The following TMEM132C variants were observed in gnomAD, a reference collection of about 807,000 sequenced individuals.
TMEM132C encodes protein phosphatase 1, regulatory subunit 152.
In TMEM132C, 29 loss-of-function variants were observed where a neutral mutation model predicts 61.4. The ratio of observed to expected loss-of-function variants is 0.47; its 90% CI spans 0.35 to 0.64. The LOEUF (loss-of-function observed/expected upper bound fraction) is 0.64. Among genes scored for constraint, TMEM132C ranks in the 30% least tolerant of loss-of-function variants. The pLI, the probability that TMEM132C is intolerant of heterozygous loss-of-function variation, is 0.00. For synonymous variants in TMEM132C, 656 were observed against 633.1 expected (o/e 1.04, Z -0.54); for missense variants, 1,408 against 1,476.9 (o/e 0.95, Z 0.76).
At chr12:128,564,052 G>A (rs753500036) in intron 3 of TMEM132C, among the ~76,000 whole-genome samples, 9 of 152,194 alleles carry the variant, frequency 5.9e-5, no homozygotes, top group Non-Finnish European at 8.8e-5. Context: ...TAAAGGCACC[G>A]CAGACCTGTT....
chr12:128,450,797 G>C (rs1253065609), intron 2 of TMEM132C, among the ~76,000 whole-genome samples: 1 of 152,140 alleles, frequency 6.6e-6, no homozygotes, highest in Non-Finnish European at 1.5e-5. Flanking sequence ...AAGGAATTCT[G>C]CTGTGGATGC....
chr12:128,383,204 A>C (rs962165674), intron 1 of TMEM132C, among the ~76,000 whole-genome samples: 2 of 152,148 alleles, frequency 1.3e-5, no homozygotes, highest in Admixed American at 6.5e-5. Flanking sequence ...CCCTGTGTAC[A>C]TGTGTGTATG....
At chr12:128,656,170 C>T (rs966712910) in intron 4 of TMEM132C, among the ~76,000 whole-genome samples, 1 of 152,192 alleles carries the variant, frequency 6.6e-6, no homozygotes, top group Non-Finnish European at 1.5e-5. Flanking sequence ...CCTCCATCAC[C>T]CTCCCTAGTA....
At chr12:128,634,037 A>T (rs1170189064) in intron 4 of TMEM132C, among the ~76,000 whole-genome samples, 1 of 152,252 alleles carries the variant, frequency 6.6e-6, no homozygotes, top group Non-Finnish European at 1.5e-5. Flanking sequence ...AGTGAACAAA[A>T]TAATCAAGGT....
At chr12:128,496,385 A>G (rs1240914491) in intron 2 of TMEM132C, among the ~76,000 whole-genome samples, 1 of 152,090 alleles carries the variant, frequency 6.6e-6, no homozygotes, top group Non-Finnish European at 1.5e-5. Context: ...GGCCTGCCTT[A>G]CTAGATTGGG....
intron 2 of TMEM132C, among the ~76,000 whole-genome samples, chr12:128,427,276 A>G (rs1869217650): frequency 6.6e-6 from 1 of 152,078 alleles, no homozygotes; most frequent in Non-Finnish European, 1.5e-5. Flanking sequence ...TGCTTGTTGA[A>G]AGTCTTTCCT....
rs576539665 is a variant in TMEM132C, at chr12:128,440,284, G to T, written c.974+24664G>T. On this transcript the variant is annotated intron_variant, in intron 2 of 8. Coordinates refer to ENST00000435159, the MANE Select transcript of TMEM132C (RefSeq NM_001136103.3). ...AGGCTTTAAACATAAGATGAATTAG[G>T]TGCTCTTTTAGTTGTAGTTCTCAAC... Among the ~76,000 whole-genome samples the T allele has an allele frequency of 1.3e-4, 20 of 152,268 alleles. No individual in the cohort carries two copies. In the South Asian group the frequency reaches 2.1e-3, roughly 16 times the overall value.
At chr12:128,525,237 GTT>G (rs562043881) in intron 2 of TMEM132C, among the ~76,000 whole-genome samples, 123 of 151,964 alleles carry the variant, frequency 8.1e-4, no homozygotes, top group Admixed American at 1.7e-3. Flanking sequence ...AGCTTGGGTG[GTT>G]TTCTGGCCCA....
At chr12:128,604,681 GA>G (rs2135576122) in intron 3 of TMEM132C, among the ~76,000 whole-genome samples, 1 of 152,196 alleles carries the variant, frequency 6.6e-6, no homozygotes, top group South Asian at 2.1e-4. Flanking sequence ...ATAGATCATA[GA>G]GGGGTAGATA....
chr12:128,577,466 G>T (rs939011592), intron 3 of TMEM132C, among the ~76,000 whole-genome samples: 9 of 152,184 alleles, frequency 5.9e-5, no homozygotes, highest in Non-Finnish European at 1.3e-4. Flanking sequence ...CCTTCCCCAA[G>T]CCCCGGTGAC....
chr12:128,489,577 A>ATATATATATATATATG (rs1343838203), intron 2 of TMEM132C, among the ~76,000 whole-genome samples: 13 of 150,022 alleles, frequency 8.7e-5, no homozygotes, highest in Non-Finnish European at 1.8e-4. Flanking sequence ...ATATATATAT[A>ATATATATATATATATG]TATATTCTGT....
At chr12:128,636,202 C>T (rs1046025647) in intron 4 of TMEM132C, among the ~76,000 whole-genome samples, 1 of 151,840 alleles carries the variant, frequency 6.6e-6, no homozygotes, top group Non-Finnish European at 1.5e-5. Flanking sequence ...AGGCATGCAT[C>T]ACCACCACCA....
At chr12:128,305,846 G>A (rs1871756619) in intron 1 of TMEM132C, among the ~76,000 whole-genome samples, 1 of 152,152 alleles carries the variant, frequency 6.6e-6, no homozygotes. Flanking sequence ...TGATCCTAAT[G>A]GTTTGGTGCC....
chr12:128,704,420 C>T (rs1954822486), intron 8 of TMEM132C, among the ~76,000 whole-genome samples: 1 of 152,184 alleles, frequency 6.6e-6, no homozygotes, highest in Non-Finnish European at 1.5e-5. Context: ...GAACCGGGCC[C>T]ACCAGCCAAT....
chr12:128,517,912 G>C (rs1646902717), intron 2 of TMEM132C, among the ~76,000 whole-genome samples: 1 of 152,094 alleles, frequency 6.6e-6, no homozygotes, highest in South Asian at 2.1e-4. Flanking sequence ...ATCCAAAAGG[G>C]GACATGTCAG....
At chr12:128,324,535 G>T (rs961730796) in intron 1 of TMEM132C, among the ~76,000 whole-genome samples, 1 of 152,096 alleles carries the variant, frequency 6.6e-6, no homozygotes, top group Non-Finnish European at 1.5e-5. Flanking sequence ...AAAACCAGTC[G>T]GTTTTTACAG....
At chr12:128,358,839 C>T (rs934132551) in intron 1 of TMEM132C, among the ~76,000 whole-genome samples, 1 of 152,070 alleles carries the variant, frequency 6.6e-6, no homozygotes, top group African/African-American at 2.4e-5. Context: ...GAAACCCTGC[C>T]CATATACTCA....
intron 4 of TMEM132C, among the ~76,000 whole-genome samples, chr12:128,664,220 G>GCACA (rs879446402): frequency 0.21 from 28,929 of 139,152 alleles, 2,962 homozygotes; most frequent in African/African-American, 0.36. Flanking sequence ...ACATGCCTGT[G>GCACA]TGTGTTCCAT....
At chr12:128,413,320 A>AAAT (rs1868635156) in intron 1 of TMEM132C, among the ~76,000 whole-genome samples, 1 of 150,932 alleles carries the variant, frequency 6.6e-6, no homozygotes, top group African/African-American at 2.4e-5. Flanking sequence ...AAAAAAAAAA[A>AAAT]ACCAATGTTG....
Sources: allele counts gnomAD v4.1 joint callset (sites outside exome capture counted in the v4.1 genomes callset), GRCh38; gene constraint gnomAD v4.1.1; transcripts MANE v1.5; gene names NCBI Gene and HGNC (gene_info 2026-07-23, HGNC 2026-07-21).